TUT4: variants seen among roughly 807,000 people sequenced by gnomAD.
TUT4 encodes terminal uridylyltransferase 4.
A neutral mutation model predicts 192.2 loss-of-function variants in TUT4; 36 were observed. The observed-to-expected ratio is 0.19, with a 90% CI of 0.14 to 0.25. The LOEUF is 0.25. Among genes scored for constraint, TUT4 ranks in the 10% least tolerant of loss-of-function variants. TUT4 has a pLI of 1.00. For synonymous variants in TUT4, 618 were observed against 666.0 expected (o/e 0.93, Z 1.11); for missense variants, 1,493 against 1,957.2 (o/e 0.76, Z 4.47).
chr1:52,488,495 A>G (rs547818581), intron 9 of TUT4, among the ~76,000 whole-genome samples: 2 of 152,340 alleles, frequency 1.3e-5, no homozygotes, highest in South Asian at 2.1e-4. Flanking sequence ...CATGTTATCA[A>G]TGATTTAGAG....
At chr1:52,462,824 A>T in intron 16 of TUT4, 1 of 985,282 alleles carries the variant, frequency 1.0e-6, no homozygotes, top group Non-Finnish European at 1.2e-6. Flanking sequence ...TTGGTATGGT[A>T]ATGATAATCA....
In TUT4 at chr1:52,475,352, A is replaced by C. The variant is rs922460451; in HGVS notation, c.2207T>G (p.Val736Gly). 34 of 1,614,042 alleles carry C rather than the reference A, an allele frequency of 2.1e-5. No homozygotes were observed. Among genetic ancestry groups the C allele is most frequent in the Non-Finnish European group, 2.8e-5 (33 of 1,180,000 alleles). The change falls in exon 13 of 30, where the codon GTC becomes GGC. Residue 736 changes from valine (V) to glycine (G), a missense_variant. Around this residue, in one of 7 missense-constraint regions of TUT4, gnomAD observed 245 missense variants for 218.4 expected, o/e 1.12. Transcript: ENST00000257177. ...EKGKISNKKPVKSNNMATNGC... is the reference protein window; with the variant it reads ...EKGKISNKKPGKSNNMATNGC... ...ATTGGTTGCCATATTGTTCGACTTG[A>C]CTGGTTTCTTATTGCTTATTTTCCC...
At chr1:52,461,275 T>G in intron 18 of TUT4, 52 bp from the exon 19 acceptor site, 1 of 1,509,652 alleles carries the variant, frequency 6.6e-7, no homozygotes, top group Non-Finnish European at 9.0e-7. Context: ...AAAATTAAAC[T>G]ACAAATCAGA....
At chr1:52,546,878 T>C (rs1246811019) in intron 1 of TUT4, among the ~76,000 whole-genome samples, 1 of 152,118 alleles carries the variant, frequency 6.6e-6, no homozygotes, top group Admixed American at 6.6e-5. Context: ...ATACCTGTAA[T>C]CCTGGCACTT....
intron 1 of TUT4, among the ~76,000 whole-genome samples, chr1:52,534,084 C>G (rs1389937087): frequency 6.6e-6 from 1 of 152,218 alleles, no homozygotes; most frequent in East Asian, 1.9e-4. Flanking sequence ...TTCCACTCCC[C>G]TCATTCATTC....
intron 12 of TUT4, 79 bp downstream of exon 12, chr1:52,477,629 A>T: frequency 7.3e-7 from 1 of 1,378,180 alleles, no homozygotes; most frequent in Non-Finnish European, 9.9e-7. Context: ...CACAAAGCCA[A>T]AGGATTATTA....
At chr1:52,432,723 C>T (rs1190349095) in intron 27 of TUT4, 2 of 152,248 alleles carry the variant, frequency 1.3e-5, no homozygotes, top group Admixed American at 1.3e-4. Flanking sequence ...GAGTTTGAGA[C>T]CTGCCTGGGC....
chr1:52,434,649 C>A (rs1044438287), intron 27 of TUT4: 7 of 152,068 alleles, frequency 4.6e-5, no homozygotes, highest in African/African-American at 1.7e-4. Context: ...ACTAGCCCGA[C>A]CAATATGGTG....
chr1:52,475,366 G>A lies in TUT4; in HGVS notation c.2193C>T (p.Ser731=). The A allele has an allele frequency of 6.2e-7, 1 of 1,613,950 alleles. No individual in the cohort carries two copies. Among genetic ancestry groups the A allele is most frequent in the African/African-American group, 1.3e-5 (1 of 74,972 alleles). ...DFKKREKGKI[S]NKKPVKSNNM... ...TGTTCGACTTGACTGGTTTCTTATTGCTTATTTTCCCCTTCTCTCTTTTCT... is the reference window on the plus strand; with the variant it reads ...TGTTCGACTTGACTGGTTTCTTATTACTTATTTTCCCCTTCTCTCTTTTCT... The change falls in exon 13 of 30, where the codon AGC becomes AGT. Residue 731 remains serine, a synonymous_variant. Transcript: ENST00000257177.
intron 16 of TUT4, chr1:52,463,582 G>C: frequency 1.6e-6 from 2 of 1,260,612 alleles, no homozygotes; most frequent in Non-Finnish European, 2.1e-6. Flanking sequence ...CCAGAAGCTG[G>C]GCCTCACCCC....
Position 52,525,968 on chromosome 1 carries a change from G to A in TUT4, c.313C>T (p.Pro105Ser), listed in dbSNP as rs772157259. The A allele has an allele frequency of 2.5e-6, 4 of 1,614,000 alleles. No individual in the cohort carries two copies. In the South Asian group the frequency reaches 3.3e-5, roughly 13 times the overall value. Reference protein sequence around the residue: ...HCKAKKFPNSPVKAEKATISQ... With the variant: ...HCKAKKFPNSSVKAEKATISQ... The stretch of plus-strand genomic sequence containing the variant: ...ATGGTTGCCTTTTCGGCTTTCACCG[G>A]TGAATTAGGAAATTTTTTTGCTTTG... The change falls in exon 2 of 30, where the codon CCG (proline) becomes TCG (serine). Residue 105 changes from proline (P) to serine (S), a missense_variant. Pro to Ser is a moderately conservative substitution (Grantham distance 74). Transcript: ENST00000257177.
At chr1:52,522,869 G>A (rs1455341087) in intron 2 of TUT4, among the ~76,000 whole-genome samples, 2 of 151,774 alleles carry the variant, frequency 1.3e-5, no homozygotes, top group Admixed American at 6.6e-5. Context: ...AGGTTGCAGT[G>A]AGCCTAGATC....
chr1:52,477,692 C>A lies in TUT4; in HGVS notation c.2023+16G>T. On this transcript the variant is annotated intron_variant, in intron 12 of 29. Coordinates refer to ENST00000257177, the MANE Select transcript of TUT4 (RefSeq NM_001009881.3). Reference sequence around the variant, plus strand: ...TAAAAAATATTCTCCAAATGAAATACAACATATCATCTCACCTTCAATGGC... The same window carrying A: ...TAAAAAATATTCTCCAAATGAAATAAAACATATCATCTCACCTTCAATGGC... 1.9e-6 allele frequency: 3 copies of A among 1,595,804 alleles called. No individual in the cohort carries two copies. The highest frequency in any genetic ancestry group is 2.6e-6 in the Non-Finnish European group (3 of 1,171,994).
At chr1:52,487,982 G>A (rs1046719209) in intron 9 of TUT4, among the ~76,000 whole-genome samples, 4 of 152,130 alleles carry the variant, frequency 2.6e-5, no homozygotes, top group African/African-American at 9.7e-5. Flanking sequence ...CCTGAAAAAA[G>A]TAAGAGTGAA....
intron 24 of TUT4, among the ~76,000 whole-genome samples, chr1:52,441,894 C>T (rs866714618): frequency 9.9e-5 from 15 of 152,104 alleles, no homozygotes; most frequent in African/African-American, 3.6e-4. Context: ...GATGGCCAGG[C>T]GAGGTGGCTC....
intron 28 of TUT4, among the ~76,000 whole-genome samples, chr1:52,429,349 T>G (rs1357721587): frequency 2.6e-5 from 4 of 151,694 alleles, no homozygotes; most frequent in Admixed American, 6.6e-5. Flanking sequence ...CCTCCCAAAG[T>G]GCTAATAGTT....
At chr1:52,438,141 A>G in intron 25 of TUT4, 79 bp downstream of exon 25, 1 of 1,137,590 alleles carries the variant, frequency 8.8e-7, no homozygotes, top group Non-Finnish European at 1.3e-6. Flanking sequence ...TCAGTTAAAC[A>G]TTTCTGAACA....
intron 2 of TUT4, among the ~76,000 whole-genome samples, chr1:52,518,832 T>A (rs1679405535): frequency 6.6e-6 from 1 of 152,170 alleles, no homozygotes; most frequent in South Asian, 2.1e-4. Flanking sequence ...GAGTAACTCT[T>A]AATGGGCATG....
At chr1:52,427,468 C>T (rs1314249318) in intron 28 of TUT4, among the ~76,000 whole-genome samples, 1 of 152,160 alleles carries the variant, frequency 6.6e-6, no homozygotes, top group Non-Finnish European at 1.5e-5. Flanking sequence ...GGATGGAAGA[C>T]TTCAAATTAT....
Sources: allele counts gnomAD v4.1 joint callset (sites outside exome capture counted in the v4.1 genomes callset), GRCh38; gene constraint gnomAD v4.1.1; regional missense constraint gnomAD v4.1.1; transcripts MANE v1.5; gene names NCBI Gene and HGNC (gene_info 2026-07-23, HGNC 2026-07-21).